Variants in PDGFRL observed in about 807,000 individuals in gnomAD.
The protein encoded by PDGFRL is platelet derived growth factor receptor like.
Under a neutral mutation model 37.2 loss-of-function variants are expected in PDGFRL, and 46 were observed. The ratio of observed to expected loss-of-function variants is 1.24; its 90% confidence interval spans 0.98 to 1.58. PDGFRL has a LOEUF of 1.58. Among genes scored for constraint, PDGFRL ranks in the 40% most tolerant of loss-of-function variants. The probability of loss-of-function intolerance (pLI) is 0.00; values close to 1 mark genes in which losing one functional copy is unlikely to be tolerated. For missense variants in PDGFRL, 692 were observed against 467.6 expected (o/e 1.48, Z -4.43); for synonymous variants, 251 against 184.3 (o/e 1.36, Z -2.93).
intron 5 of PDGFRL, among the ~76,000 whole-genome samples, chr8:17,635,264 A>G (rs1804948977): frequency 6.6e-6 from 1 of 152,156 alleles, no homozygotes; most frequent in Non-Finnish European, 1.5e-5. Flanking sequence ...TACCCAATGT[A>G]TAGGCTTTTA....
chr8:17,588,083 A>C (rs1803854874), intron 1 of PDGFRL, among the ~76,000 whole-genome samples: 1 of 152,140 alleles, frequency 6.6e-6, no homozygotes, highest in Non-Finnish European at 1.5e-5. Context: ...CTTATAGAGA[A>C]GGCAAAAATG....
intron 2 of PDGFRL, among the ~76,000 whole-genome samples, chr8:17,603,988 G>A (rs186561859): frequency 7.7e-4 from 117 of 152,192 alleles, no homozygotes; most frequent in South Asian, 3.5e-3. Flanking sequence ...AAGATGTGGC[G>A]GTCAGAGGCG....
In PDGFRL at chr8:17,628,494, A is replaced by C. The variant is rs1408066023; in HGVS notation, c.513A>C (p.Gly171=). The part of the protein sequence containing the change: ...GSTYIFFTEK[G]ELFVPSPSYF... ...TCTTCCTTCCCTTTGCAGAGAAAGG[A>C]GAACTCTTTGTACCTTCTCCCAGCT... Residue 171 remains glycine (G), a synonymous_variant, in exon 4 of 6, where the codon GGA becomes GGC. Transcript: ENST00000251630. The C allele has an allele frequency of 6.2e-7, 1 of 1,612,996 alleles. No homozygotes were observed. Among genetic ancestry groups the C allele is most frequent in the East Asian group, 2.2e-5 (1 of 44,852 alleles).
chr8:17,602,867 A>T (rs1186902584), intron 2 of PDGFRL, among the ~76,000 whole-genome samples: 1 of 152,244 alleles, frequency 6.6e-6, no homozygotes, highest in Non-Finnish European at 1.5e-5. Context: ...AGTGGATACA[A>T]TATGTGCCCA....
At chr8:17,598,340 A>C (rs538552608) in intron 2 of PDGFRL, among the ~76,000 whole-genome samples, 9 of 152,314 alleles carry the variant, frequency 5.9e-5, no homozygotes, top group Admixed American at 6.5e-5. Flanking sequence ...ACTTCTTTAT[A>C]ATCTGGGATC....
At chr8:17,627,985 C>CT (rs1236164534) in intron 3 of PDGFRL, among the ~76,000 whole-genome samples, 4,622 of 122,688 alleles carry the variant, frequency 0.038, 251 homozygotes, top group African/African-American at 0.053. Flanking sequence ...TGTTTTCTTT[C>CT]TTTCTTTTTT....
rs146745470 is a variant in PDGFRL, at chr8:17,616,250, A to C, written c.354-4801A>C. On this transcript the variant is annotated intron_variant, in intron 2 of 5. Coordinates refer to ENST00000251630, the MANE Select transcript of PDGFRL (RefSeq NM_001372073.1). ...TTGCTCTGTCACCAGGCCGGAGTGCAGTGCCGCAATCTCAGCTCACTGCAA... is the reference window on the plus strand; with the variant it reads ...TTGCTCTGTCACCAGGCCGGAGTGCCGTGCCGCAATCTCAGCTCACTGCAA... Among the ~76,000 whole-genome samples the C allele has an allele frequency of 7.3e-3, 1,113 of 152,144 alleles. 21 individuals are homozygous for C. The highest frequency in any genetic ancestry group is 0.026 in the African/African-American group (1,063 of 41,496).
chr8:17,618,219 G>A (rs1248794634), intron 2 of PDGFRL, among the ~76,000 whole-genome samples: 1 of 151,984 alleles, frequency 6.6e-6, no homozygotes, highest in Non-Finnish European at 1.5e-5. Context: ...ACCATGCCTG[G>A]CTAATGTTTA....
At chr8:17,577,431 G>C in intron 1 of PDGFRL, 124 bp downstream of exon 1, 1 of 778,880 alleles carries the variant, frequency 1.3e-6, no homozygotes, top group Non-Finnish European at 2.2e-6. Context: ...CAGCCCCCGC[G>C]CCACTGCCTG....
At chr8:17,583,801 CTT>C (rs368933641) in intron 1 of PDGFRL, among the ~76,000 whole-genome samples, 31 of 151,202 alleles carry the variant, frequency 2.1e-4, no homozygotes, top group Admixed American at 7.3e-4. Flanking sequence ...CTCTCTCTCT[CTT>C]GCTTCTTCTC....
Position 17,583,144 on chromosome 8 carries a change from A to T in PDGFRL, c.55+5837A>T, listed in dbSNP as rs1229757385. Among the ~76,000 whole-genome samples the T allele has an allele frequency of 3.9e-5, 6 of 152,170 alleles. No individual in the cohort carries two copies. In the South Asian group the frequency reaches 8.3e-4, roughly 21 times the overall value. Reference sequence around the variant, plus strand: ...AGTGATGGAGGCTTAGCTTCCACCTAGATTTCAGAGGATGTATCAGAAAGC... The same window carrying T: ...AGTGATGGAGGCTTAGCTTCCACCTTGATTTCAGAGGATGTATCAGAAAGC... On this transcript the variant is annotated intron_variant, in intron 1 of 5. Transcript: ENST00000251630.
At chr8:17,634,346 A>G (rs1401366995) in intron 5 of PDGFRL, 133 bp downstream of exon 5, 8 of 658,450 alleles carry the variant, frequency 1.2e-5, no homozygotes, top group African/African-American at 5.6e-5. Flanking sequence ...ATGTGGGGCT[A>G]TGTTGGGGGC....
intron 2 of PDGFRL, among the ~76,000 whole-genome samples, chr8:17,619,792 T>C (rs2129759066): frequency 6.6e-6 from 1 of 152,348 alleles, no homozygotes; most frequent in Non-Finnish European, 1.5e-5. Flanking sequence ...CAAGGCTTTC[T>C]GGCTGAACTT....
At chr8:17,582,325 C>T (rs1468640900) in intron 1 of PDGFRL, among the ~76,000 whole-genome samples, 2 of 152,086 alleles carry the variant, frequency 1.3e-5, no homozygotes, top group East Asian at 1.9e-4. Context: ...CAGGGTGGCT[C>T]ACGCCTGTAA....
intron 2 of PDGFRL, among the ~76,000 whole-genome samples, chr8:17,590,043 A>G (rs1404874987): frequency 2.0e-5 from 3 of 151,038 alleles, no homozygotes; most frequent in Non-Finnish European, 4.4e-5. Flanking sequence ...TATCCTGGCT[A>G]ACCCGGTGAA....
chr8:17,608,797 C>T (rs551817498), intron 2 of PDGFRL, among the ~76,000 whole-genome samples: 1 of 152,050 alleles, frequency 6.6e-6, no homozygotes, highest in African/African-American at 2.4e-5. Flanking sequence ...GAGTGTGGAG[C>T]GGCTGATAGG....
intron 1 of PDGFRL, among the ~76,000 whole-genome samples, chr8:17,588,445 C>T (rs2588157): frequency 1.3e-5 from 2 of 151,644 alleles, no homozygotes; most frequent in Non-Finnish European, 2.9e-5. Flanking sequence ...GGGAGGCCTA[C>T]GTGGGAGGGT....
intron 2 of PDGFRL, among the ~76,000 whole-genome samples, chr8:17,613,029 A>G (rs1221419461): frequency 2.0e-5 from 3 of 152,232 alleles, no homozygotes; most frequent in African/African-American, 7.2e-5. Context: ...TCTACCATGA[A>G]TATTTTTTGT....
Position 17,621,033 on chromosome 8 carries a change from T to G in PDGFRL, c.354-18T>G, listed in dbSNP as rs1178052982. ...CCAGGTCTGACTTGCTTTGAGTTCA[T>G]GTGTCTTTTATTCCTAGCGTCAAGC... is the stretch of plus-strand genomic sequence containing the variant. On this transcript the variant is annotated intron_variant, in intron 2 of 5. Coordinates refer to ENST00000251630, the MANE Select transcript of PDGFRL (RefSeq NM_001372073.1). The G allele has an allele frequency of 6.3e-7, 1 of 1,576,430 alleles. No individual in the cohort carries two copies. The highest frequency in any genetic ancestry group is 1.1e-5 in the South Asian group (1 of 87,654).
Sources: gnomAD v4.1 joint callset for allele counts (sites outside exome capture counted in the v4.1 genomes callset) on GRCh38, gnomAD v4.1.1 for gene constraint, MANE v1.5 for transcripts, NCBI Gene and HGNC (gene_info 2026-07-23, HGNC 2026-07-21) for gene names.